The following AACS variants were observed in gnomAD, a reference collection of about 807,000 sequenced individuals.
AACS encodes acetoacetyl-CoA synthetase, also known as acetoacetate-CoA ligase.
Under a neutral mutation model 83.1 loss-of-function variants are expected in AACS, and 69 were observed. The observed-to-expected ratio is 0.83, with a 90% confidence interval of 0.68 to 1.01. The LOEUF (loss-of-function observed/expected upper bound fraction) is 1.01, where lower values mean the gene tolerates loss of function less well. Among genes scored for constraint, AACS ranks in the 50% least tolerant of loss-of-function variants. AACS has a pLI of 0.00. For missense variants in AACS, 866 were observed against 882.2 expected (o/e 0.98, Z 0.23); for synonymous variants, 333 against 343.4 (o/e 0.97, Z 0.33).
At chr12:125,124,323 C>G (rs2136124954) in intron 10 of AACS, 1 of 185,780 alleles carries the variant, frequency 5.4e-6, no homozygotes, top group East Asian at 1.4e-4. Context: ...ATTCTGTAGC[C>G]TTCTCTTCAT....
intron 12 of AACS, chr12:125,126,332 G>C (rs992961440): frequency 8.5e-5 from 13 of 152,134 alleles, no homozygotes; most frequent in African/African-American, 3.1e-4. Context: ...CACGCACGTG[G>C]TAAAAAATTC....
At chr12:125,117,480 T>C (rs1957075364) in intron 9 of AACS, 1 of 152,140 alleles carries the variant, frequency 6.6e-6, no homozygotes, top group South Asian at 2.1e-4. Context: ...GGTCTCAACC[T>C]CTTGAGCTCA....
chr12:125,068,971 C>G (rs1182048250), intron 1 of AACS, among the ~76,000 whole-genome samples: 1 of 151,960 alleles, frequency 6.6e-6, no homozygotes, highest in Non-Finnish European at 1.5e-5. Context: ...TCCTGATTAG[C>G]TGGGATTACA....
chr12:125,131,061 C>T (rs766976393), intron 14 of AACS, among the ~76,000 whole-genome samples: 65 of 152,172 alleles, frequency 4.3e-4, no homozygotes, highest in Non-Finnish European at 3.8e-4. Context: ...GTTTCCACAA[C>T]TCGGAGTGGG....
In AACS at chr12:125,128,283, T is replaced by G. The variant is rs760173551; in HGVS notation, c.1423+9T>G. 6.2e-6 allele frequency: 10 copies of G among 1,607,446 alleles called. No homozygotes were observed. The highest frequency in any genetic ancestry group is 1.7e-4 in the Middle Eastern group (1 of 6,034). On this transcript the variant is annotated intron_variant, in intron 13 of 17. Transcript: ENST00000316519. ...AGCGTGGAACGAGGAAGGTGATGGC[T>G]CCACCAACTGTTTCTTTCTGTGATT...
chr12:125,142,262 C>G lies in AACS; in HGVS notation c.*33C>G. On this transcript the variant is annotated 3_prime_UTR_variant, in exon 18 of 18. Coordinates refer to ENST00000316519, the MANE Select transcript of AACS (RefSeq NM_023928.5). ...TGGCTGGCGTGTCACTCAGCCGCAC[C>G]CGTGTGCACTGTAACTTTTGTGTGC... is the stretch of plus-strand genomic sequence containing the variant. 1 of 1,603,810 alleles carries G rather than the reference C, an allele frequency of 6.2e-7. No individual in the cohort carries two copies.
chr12:125,133,777 C>T (rs1373853619), intron 14 of AACS, among the ~76,000 whole-genome samples: 1 of 152,242 alleles, frequency 6.6e-6, no homozygotes, highest in Non-Finnish European at 1.5e-5. Flanking sequence ...GCCTGAGGAG[C>T]TGCGTTCCTC....
Position 125,065,699 on chromosome 12 carries a change from G to A in AACS, c.115G>A (p.Ala39Thr), listed in dbSNP as rs1955670847. 21 of 1,539,538 alleles carry A rather than the reference G, an allele frequency of 1.4e-5. No homozygotes were observed. Among genetic ancestry groups the A allele is most frequent in the Non-Finnish European group, 1.8e-5 (20 of 1,142,310 alleles). ...CCGCTTCCGGGCGGCTGTGGGCGCCGCCTGCGGCCTGGCGCTGGGTGAGAG... is the reference window on the plus strand; with the variant it reads ...CCGCTTCCGGGCGGCTGTGGGCGCCACCTGCGGCCTGGCGCTGGGTGAGAG... ...MDRFRAAVGAACGLALESYDD... is the reference protein window; with the variant it reads ...MDRFRAAVGATCGLALESYDD... Residue 39 changes from alanine to threonine, a missense_variant, in exon 1 of 18, where the codon GCC becomes ACC. Ala to Thr is a moderately conservative substitution (Grantham distance 58). Coordinates refer to ENST00000316519, the MANE Select transcript of AACS (RefSeq NM_023928.5).
rs1214120873 is a variant in AACS, at chr12:125,141,715, AAAAAAG to A, written c.1882-371_1882-366del. On this transcript the variant is annotated intron_variant, in intron 17 of 17. Coordinates refer to ENST00000316519, the MANE Select transcript of AACS (RefSeq NM_023928.5). ...CTGTCTCAAAAAAAAAAAAAAGAAAAAAAAAGAAAAAAAGAAAAATGAACATGCTCA... is the reference window on the plus strand; with the variant it reads ...CTGTCTCAAAAAAAAAAAAAAGAAAAAAAAAAAGAAAAATGAACATGCTCA... 3.0e-3 allele frequency: 414 copies of A among 138,228 alleles called. 1 individual carries two copies. Among genetic ancestry groups the A allele is most frequent in the African/African-American group, 0.013 (349 of 26,466 alleles). The allele number at this position is 138,228 out of a possible 1,614,324, so 8.6% of individuals were successfully genotyped here.
At position 125,142,759 on chromosome 12, in the gene AACS, C is replaced by T. The variant is rs541249531; in HGVS notation, c.*530C>T. ...CTAGGACCGGCGGGCTGGGTGTTCA[C>T]GTGTGTCTGTGTCATGGATGCAATG... On this transcript the variant is annotated 3_prime_UTR_variant, in exon 18 of 18. Coordinates refer to ENST00000316519, the MANE Select transcript of AACS (RefSeq NM_023928.5). The T allele has an allele frequency of 1.6e-4, 25 of 154,256 alleles. No homozygotes were observed. Among genetic ancestry groups the T allele is most frequent in the Non-Finnish European group, 3.5e-4 (24 of 69,368 alleles). 9.6% of individuals were successfully genotyped at this position (154,256 alleles called of 1,614,324 possible). A position where few individuals can be genotyped will look rare whatever the true frequency, so the allele number is the denominator to read the frequency against.
At chr12:125,115,499 G>A (rs1197912576) in intron 9 of AACS, among the ~76,000 whole-genome samples, 1 of 151,990 alleles carries the variant, frequency 6.6e-6, no homozygotes, top group Non-Finnish European at 1.5e-5. Context: ...TGACCTTGTG[G>A]TCCGCCCGCC....
chr12:125,098,219 C>T (rs542803403), intron 5 of AACS, among the ~76,000 whole-genome samples: 1 of 151,986 alleles, frequency 6.6e-6, no homozygotes, highest in South Asian at 2.1e-4. Flanking sequence ...CACTTGAATC[C>T]CGGAGTTTGA....
chr12:125,128,217 A>C lies in AACS; in HGVS notation c.1366A>C (p.Lys456Gln). 6 of 1,613,162 alleles carry C rather than the reference A, an allele frequency of 3.7e-6. No individual in the cohort carries two copies. The highest frequency in any genetic ancestry group is 4.2e-6 in the Non-Finnish European group (5 of 1,179,326). The change falls in exon 13 of 18, where the codon AAA (lysine) becomes CAA (glutamine). Residue 456 changes from lysine to glutamine, a missense_variant. Transcript: ENST00000316519. ...CCACAATTTTTCTCTTCCTGTGTATAAAGGGGAGATTCAGGCCCGGAACCT... is the reference window on the plus strand; with the variant it reads ...CCACAATTTTTCTCTTCCTGTGTATCAAGGGGAGATTCAGGCCCGGAACCT... The part of the protein sequence containing the change: ...MGHNFSLPVY[K>Q]GEIQARNLGM...
chr12:125,139,970 T>C (rs1329420122), intron 17 of AACS: 1 of 152,116 alleles, frequency 6.6e-6, no homozygotes, highest in Non-Finnish European at 1.5e-5. Context: ...CCATCTTACT[T>C]CCTCTTATGA....
At chr12:125,077,609 C>T (rs1036442634) in intron 3 of AACS, among the ~76,000 whole-genome samples, 2 of 151,974 alleles carry the variant, frequency 1.3e-5, no homozygotes, top group Non-Finnish European at 2.9e-5. Flanking sequence ...AAACTGAAGT[C>T]GTGTTCTGCC....
chr12:125,068,017 TGG>T (rs1327149171), intron 1 of AACS, among the ~76,000 whole-genome samples: 1 of 152,160 alleles, frequency 6.6e-6, no homozygotes, highest in Non-Finnish European at 1.5e-5. Flanking sequence ...CCTGGGTCCC[TGG>T]GGTTGTGGAG....
At chr12:125,077,563 G>C (rs1168820253) in intron 3 of AACS, among the ~76,000 whole-genome samples, 2 of 151,556 alleles carry the variant, frequency 1.3e-5, no homozygotes, top group Non-Finnish European at 2.9e-5. Context: ...GACACTCTTT[G>C]TGTCTAAGAC....
rs544461209 is a variant in AACS at position 125,088,783 on chromosome 12, C to T, written c.472+2340C>T. Among the ~76,000 whole-genome samples, 8 of 152,324 alleles carry T rather than the reference C, an allele frequency of 5.3e-5. No individual in the cohort carries two copies. The East Asian group carries it at 5.8e-4, about 11-fold the overall frequency. The stretch of plus-strand genomic sequence containing the variant: ...TGCTTTCTTTGAGGAGACGCCTGGC[C>T]GCGATGCCCTGGACCCTTCAGAGGT... On this transcript the variant is annotated intron_variant, in intron 4 of 17. Transcript: ENST00000316519.
At chr12:125,108,630 A>G (rs1956883242) in intron 8 of AACS, among the ~76,000 whole-genome samples, 1 of 152,180 alleles carries the variant, frequency 6.6e-6, no homozygotes, top group African/African-American at 2.4e-5. Context: ...AATAGAATGT[A>G]TATGTATAGG....
Sources: allele counts gnomAD v4.1 joint callset (sites outside exome capture counted in the v4.1 genomes callset), GRCh38; gene constraint gnomAD v4.1.1; transcripts MANE v1.5; gene names NCBI Gene and HGNC (gene_info 2026-07-23, HGNC 2026-07-21).